The following IL1RAPL2 variants were observed in gnomAD, a reference collection of about 807,000 sequenced individuals.
IL1RAPL2 encodes the protein X-linked interleukin-1 receptor accessory protein-like 2.
Under a neutral mutation model 44.1 loss-of-function variants are expected in IL1RAPL2, and 3 were observed. The ratio of observed to expected loss-of-function variants is 0.07; its 90% confidence interval spans 0.03 to 0.18. The LOEUF is 0.18. IL1RAPL2 is among the 10% of genes least tolerant of loss of function. The pLI, the probability that IL1RAPL2 is intolerant of heterozygous loss-of-function variation, is 1.00. For synonymous variants in IL1RAPL2, 181 were observed against 178.8 expected (o/e 1.01, Z -0.10); for missense variants, 391 against 496.4 (o/e 0.79, Z 2.02).
At chrX:104,928,528 C>T (rs142767183) in intron 2 of IL1RAPL2, among the ~76,000 whole-genome samples, 5 of 111,263 alleles carry the variant, frequency 4.5e-5, no homozygotes, top group East Asian at 2.8e-4. Flanking sequence ...GCCGCACTTA[C>T]GGAAATTAGC....
intron 6 of IL1RAPL2, among the ~76,000 whole-genome samples, chrX:105,676,722 C>G (rs780437621): frequency 1.1e-3 from 120 of 111,866 alleles, no homozygotes; most frequent in African/African-American, 3.7e-3. Context: ...GGCTGCTTCC[C>G]AAGGTGCAAA....
Position 105,633,161 on chromosome X carries a change from C to T in IL1RAPL2, c.773-84206C>T, listed in dbSNP as rs1602496302. The stretch of plus-strand genomic sequence containing the variant: ...ACATTCCCATTTTTATTGTTTCATT[C>T]GTTGGTAAACATTTCTTTACTGTTA... On this transcript the variant is annotated intron_variant, in intron 6 of 10. Transcript: ENST00000372582. Among the ~76,000 whole-genome samples the T allele has an allele frequency of 3.6e-5, 4 of 111,658 alleles. No homozygotes were observed. The Admixed American group carries it at 3.8e-4, about 11-fold the overall frequency.
intron 2 of IL1RAPL2, among the ~76,000 whole-genome samples, chrX:104,891,813 C>G (rs867096415): frequency 9.0e-6 from 1 of 111,345 alleles, no homozygotes; most frequent in African/African-American, 3.3e-5. Context: ...TTGTCCTGGC[C>G]AGAACTTCCA....
chrX:105,229,184 T>C (rs1293201301), intron 3 of IL1RAPL2, among the ~76,000 whole-genome samples: 1 of 111,981 alleles, frequency 8.9e-6, no homozygotes, highest in East Asian at 2.8e-4. Flanking sequence ...CAGGAAATAT[T>C]TTAAATAGAA....
At chrX:104,979,908 G>T (rs186748644) in intron 2 of IL1RAPL2, among the ~76,000 whole-genome samples, 81 of 111,707 alleles carry the variant, frequency 7.3e-4, no homozygotes, top group African/African-American at 2.6e-3. Context: ...CAAACATTCT[G>T]CAATGTACAG....
chrX:105,285,591 G>A (rs1209012754), intron 5 of IL1RAPL2, among the ~76,000 whole-genome samples: 1 of 111,361 alleles, frequency 9.0e-6, no homozygotes, highest in Non-Finnish European at 1.9e-5. Context: ...CAGAAGCCTG[G>A]AGAGATTAAT....
chrX:105,706,928 TG>T (rs1340061207), intron 6 of IL1RAPL2, among the ~76,000 whole-genome samples: 1 of 111,720 alleles, frequency 9.0e-6, no homozygotes, highest in Non-Finnish European at 1.9e-5. Flanking sequence ...ACTTATTAAA[TG>T]GCATATAACT....
intron 2 of IL1RAPL2, among the ~76,000 whole-genome samples, chrX:105,158,089 C>A (rs1405149407): frequency 8.9e-6 from 1 of 112,232 alleles, no homozygotes; most frequent in African/African-American, 3.2e-5. Flanking sequence ...CGCCTGTAAT[C>A]CCAGCACTCT....
At chrX:105,482,808 A>C (rs768936501) in intron 5 of IL1RAPL2, among the ~76,000 whole-genome samples, 3 of 111,179 alleles carry the variant, frequency 2.7e-5, no homozygotes, top group Non-Finnish European at 5.7e-5. Context: ...ATCCTATGCT[A>C]TTCCTCCTGT....
intron 3 of IL1RAPL2, among the ~76,000 whole-genome samples, chrX:105,203,042 T>C (rs1204199250): frequency 9.0e-6 from 1 of 111,451 alleles, no homozygotes; most frequent in Non-Finnish European, 1.9e-5. Flanking sequence ...GCTTCCAGTT[T>C]CACAGAGAAA....
chrX:105,164,509 C>G (rs1209279254), intron 2 of IL1RAPL2, among the ~76,000 whole-genome samples: 1 of 112,107 alleles, frequency 8.9e-6, no homozygotes, highest in Admixed American at 9.5e-5. Context: ...AGGTGAAATA[C>G]CAGTTAGTGA....
intron 2 of IL1RAPL2, among the ~76,000 whole-genome samples, chrX:104,934,672 CAA>C (rs1414334234): frequency 9.0e-6 from 1 of 111,150 alleles, no homozygotes; most frequent in Non-Finnish European, 1.9e-5. Flanking sequence ...TTTAAAAAAA[CAA>C]AGTTTCCTGA....
intron 2 of IL1RAPL2, among the ~76,000 whole-genome samples, chrX:104,887,762 C>A (rs776402522): frequency 4.0e-4 from 44 of 111,319 alleles, no homozygotes; most frequent in Non-Finnish European, 7.9e-4. Context: ...TCTTCAAAGT[C>A]CCCTTAGCTA....
chrX:105,453,791 G>A (rs1241121090), intron 5 of IL1RAPL2, among the ~76,000 whole-genome samples: 1 of 111,756 alleles, frequency 8.9e-6, no homozygotes, highest in African/African-American at 3.3e-5. Context: ...TAATTGCTCT[G>A]AAGTGGGCAA....
chrX:104,893,277 G>A (rs1923521691), intron 2 of IL1RAPL2, among the ~76,000 whole-genome samples: 1 of 111,873 alleles, frequency 8.9e-6, no homozygotes, highest in African/African-American at 3.3e-5. Context: ...GTTGATTTGG[G>A]GTGGAGAGTT....
intron 6 of IL1RAPL2, among the ~76,000 whole-genome samples, chrX:105,557,969 A>G (rs1569453918): frequency 9.0e-6 from 1 of 111,296 alleles, no homozygotes; most frequent in Non-Finnish European, 1.9e-5. Flanking sequence ...ATTTTATTTA[A>G]TACATATACT....
At chrX:104,974,547 T>C (rs2030296747) in intron 2 of IL1RAPL2, among the ~76,000 whole-genome samples, 1 of 112,128 alleles carries the variant, frequency 8.9e-6, no homozygotes. Context: ...ATCTGCCAAA[T>C]TTTGTTAGCA....
At chrX:104,646,174 T>C (rs973609637) in intron 1 of IL1RAPL2, among the ~76,000 whole-genome samples, 1 of 111,981 alleles carries the variant, frequency 8.9e-6, no homozygotes, top group African/African-American at 3.2e-5. Flanking sequence ...TGAAATGGTC[T>C]TCATGATTTG....
intron 1 of IL1RAPL2, among the ~76,000 whole-genome samples, chrX:104,595,715 A>C (rs1344946798): frequency 8.9e-6 from 1 of 111,915 alleles, no homozygotes; most frequent in Non-Finnish European, 1.9e-5. Flanking sequence ...AATTCTTAAA[A>C]GGTAACAACT....
Sources: gnomAD v4.1 joint callset for allele counts (sites outside exome capture counted in the v4.1 genomes callset) on GRCh38, gnomAD v4.1.1 for gene constraint, MANE v1.5 for transcripts, NCBI Gene and HGNC (gene_info 2026-07-23, HGNC 2026-07-21) for gene names.